The following JAZF1 variants were observed in gnomAD, a reference collection of about 807,000 sequenced individuals.
JAZF1 encodes juxtaposed with another zinc finger protein 1.
A neutral mutation model predicts 26.4 loss-of-function variants in JAZF1; 8 were observed. That is an observed-to-expected ratio of 0.30 (90% confidence interval 0.18 to 0.55). The LOEUF is 0.55. Ranked by LOEUF, JAZF1 falls within the 20% of genes least tolerant of loss-of-function variation. JAZF1 has a pLI of 0.94. For synonymous variants in JAZF1, 126 were observed against 122.3 expected, an observed-to-expected ratio of 1.03 and a Z score of -0.20; for missense variants, 199 against 322.0, an observed-to-expected ratio of 0.62 and a Z score of 2.92.
intron 1 of JAZF1, among the ~76,000 whole-genome samples, chr7:28,022,993 G>A (rs1437364407): frequency 2.0e-5 from 3 of 152,178 alleles, no homozygotes; most frequent in African/African-American, 7.2e-5. Context: ...GTGAGGTGAA[G>A]TCTTTATTCT....
At chr7:28,048,041 AAGG>A (rs1206566804) in intron 1 of JAZF1, among the ~76,000 whole-genome samples, 1 of 152,134 alleles carries the variant, frequency 6.6e-6, no homozygotes, top group African/African-American at 2.4e-5. Flanking sequence ...GTTGAGGAGG[AAGG>A]AGATTTGGCT....
At chr7:28,102,792 A>T (rs550419537) in intron 1 of JAZF1, among the ~76,000 whole-genome samples, 1 of 152,232 alleles carries the variant, frequency 6.6e-6, no homozygotes, top group African/African-American at 2.4e-5. Flanking sequence ...CAAAATTTTC[A>T]TACATACTGA....
In JAZF1 at chr7:27,830,716, C is replaced by T. The variant is rs891035621; in HGVS notation, c.*2084G>A. 7.2e-5 allele frequency: 14 copies of T among 193,256 alleles called. No homozygotes were observed. Among genetic ancestry groups the T allele is most frequent in the Non-Finnish European group, 1.1e-4 (10 of 92,394 alleles). 12.0% of individuals were successfully genotyped at this position (193,256 alleles called of 1,614,324 possible). ...CTTTCAGACTTAATGTGCTCTGTCC[C>T]CAACAAAACATATGAAAATATAATT... is the stretch of plus-strand genomic sequence containing the variant. On this transcript the variant is annotated 3_prime_UTR_variant, in exon 5 of 5. Transcript: ENST00000283928.
chr7:28,105,884 C>A (rs892590654), intron 1 of JAZF1, among the ~76,000 whole-genome samples: 4 of 152,326 alleles, frequency 2.6e-5, no homozygotes, highest in African/African-American at 9.6e-5. Flanking sequence ...TGGCTTCTTT[C>A]TTCATTAAAA....
At chr7:28,083,974 G>A (rs1486800153) in intron 1 of JAZF1, among the ~76,000 whole-genome samples, 2 of 152,042 alleles carry the variant, frequency 1.3e-5, no homozygotes, top group African/African-American at 2.4e-5. Context: ...ACAATATAAA[G>A]CAAATAGTGA....
chr7:27,942,533 A>C (rs925491522), intron 2 of JAZF1, among the ~76,000 whole-genome samples: 116 of 152,286 alleles, frequency 7.6e-4, no homozygotes, highest in African/African-American at 2.8e-3. Flanking sequence ...CAGCATCCCT[A>C]TGAGGTGGCT....
At chr7:28,113,715 G>A (rs549307153) in intron 1 of JAZF1, among the ~76,000 whole-genome samples, 2 of 152,284 alleles carry the variant, frequency 1.3e-5, no homozygotes, top group African/African-American at 4.8e-5. Flanking sequence ...ACACCACTAC[G>A]TAGTGACAGT....
At chr7:27,871,029 G>A (rs1783571981) in intron 3 of JAZF1, among the ~76,000 whole-genome samples, 1 of 152,220 alleles carries the variant, frequency 6.6e-6, no homozygotes, top group African/African-American at 2.4e-5. Context: ...TTCATGAATA[G>A]AGGAAGAATA....
intron 2 of JAZF1, among the ~76,000 whole-genome samples, chr7:27,952,369 C>T (rs1348151724): frequency 6.6e-6 from 1 of 152,222 alleles, no homozygotes; most frequent in Non-Finnish European, 1.5e-5. Context: ...ATCCCAGCAC[C>T]CAATGAAATG....
At chr7:27,962,105 T>C (rs565369727) in intron 2 of JAZF1, among the ~76,000 whole-genome samples, 1 of 152,376 alleles carries the variant, frequency 6.6e-6, no homozygotes, top group South Asian at 2.1e-4. Context: ...TTTTGTTTGA[T>C]GTGAATTCTT....
chr7:27,965,097 T>A (rs28548509), intron 2 of JAZF1, among the ~76,000 whole-genome samples: 11,014 of 152,216 alleles, frequency 0.072, 500 homozygotes, highest in Non-Finnish European at 0.11. Context: ...TCAGTATATA[T>A]CAGACACAAA....
chr7:27,864,944 T>C (rs1379101980), intron 3 of JAZF1, among the ~76,000 whole-genome samples: 1 of 152,218 alleles, frequency 6.6e-6, no homozygotes, highest in East Asian at 1.9e-4. Context: ...CAGGACCTGC[T>C]TCCCCCAGAG....
At chr7:28,106,330 A>T (rs954592331) in intron 1 of JAZF1, among the ~76,000 whole-genome samples, 1 of 152,164 alleles carries the variant, frequency 6.6e-6, no homozygotes, top group Non-Finnish European at 1.5e-5. Flanking sequence ...ATCTGGAGTT[A>T]ATGTTCCAAT....
chr7:28,041,038 C>T (rs1286277171), intron 1 of JAZF1, among the ~76,000 whole-genome samples: 1 of 152,106 alleles, frequency 6.6e-6, no homozygotes, highest in Non-Finnish European at 1.5e-5. Context: ...CTCAAAGACA[C>T]AAATTCTTTC....
At chr7:27,943,208 C>T (rs1784875718) in intron 2 of JAZF1, among the ~76,000 whole-genome samples, 1 of 152,130 alleles carries the variant, frequency 6.6e-6, no homozygotes, top group Non-Finnish European at 1.5e-5. Context: ...CCTATTAAAA[C>T]ACAGATGTTC....
At chr7:27,851,080 T>G (rs1196517927) in intron 3 of JAZF1, among the ~76,000 whole-genome samples, 1 of 152,098 alleles carries the variant, frequency 6.6e-6, no homozygotes, top group Non-Finnish European at 1.5e-5. Flanking sequence ...GTAGCTGGGA[T>G]TACAGGCACC....
At chr7:28,171,845 C>T (rs565203954) in intron 1 of JAZF1, among the ~76,000 whole-genome samples, 44 of 152,184 alleles carry the variant, frequency 2.9e-4, no homozygotes, top group Non-Finnish European at 2.9e-4. Flanking sequence ...TTATTTAGCA[C>T]TGTCTGTGGC....
intron 1 of JAZF1, among the ~76,000 whole-genome samples, chr7:28,080,641 C>T (rs1312230547): frequency 1.3e-5 from 2 of 152,126 alleles, no homozygotes; most frequent in East Asian, 3.9e-4. Context: ...TCAACACTGC[C>T]ATGTCTCCAG....
chr7:27,870,854 AC>A (rs1372831986), intron 3 of JAZF1, among the ~76,000 whole-genome samples: 1 of 152,062 alleles, frequency 6.6e-6, no homozygotes, highest in Non-Finnish European at 1.5e-5. Flanking sequence ...CGCATCCAGT[AC>A]TCTGTGATTG....
Sources: gnomAD v4.1 joint callset for allele counts (sites outside exome capture counted in the v4.1 genomes callset) on GRCh38, gnomAD v4.1.1 for gene constraint, MANE v1.5 for transcripts, NCBI Gene and HGNC (gene_info 2026-07-23, HGNC 2026-07-21) for gene names.